Variants in ZPBP observed in about 807,000 individuals in gnomAD.
The protein encoded by ZPBP is zona pellucida-binding protein 1.
ZPBP carries 26 observed loss-of-function variants against 44.8 expected under a neutral mutation model. The ratio of observed to expected loss-of-function variants is 0.58; its 90% CI spans 0.43 to 0.81. The LOEUF (loss-of-function observed/expected upper bound fraction) is 0.81, where lower values mean the gene tolerates loss of function less well. ZPBP is among the 30% of genes least tolerant of loss of function. ZPBP has a pLI of 0.00. For missense variants in ZPBP, 409 were observed against 434.0 expected (o/e 0.94, Z 0.51); for synonymous variants, 174 against 153.2 (o/e 1.14, Z -1.00).
intron 7 of ZPBP, among the ~76,000 whole-genome samples, chr7:49,950,499 G>A (rs920574751): frequency 6.6e-6 from 1 of 151,568 alleles, no homozygotes; most frequent in Non-Finnish European, 1.5e-5. Flanking sequence ...CTATACTTAA[G>A]ACATTTTTGT....
At chr7:50,009,718 A>G (rs1344272334) in intron 6 of ZPBP, among the ~76,000 whole-genome samples, 1 of 152,090 alleles carries the variant, frequency 6.6e-6, no homozygotes, top group Admixed American at 6.6e-5. Context: ...CGTAATTGTG[A>G]TAGAAAATCC....
At chr7:49,961,696 C>T (rs182348701) in intron 7 of ZPBP, among the ~76,000 whole-genome samples, 17 of 152,022 alleles carry the variant, frequency 1.1e-4, no homozygotes, top group Middle Eastern at 3.4e-3. Flanking sequence ...TGTCATTATT[C>T]GTGATCCCAA....
intron 4 of ZPBP, among the ~76,000 whole-genome samples, chr7:50,052,910 G>A (rs139137519): frequency 6.6e-6 from 1 of 152,268 alleles, no homozygotes; most frequent in Non-Finnish European, 1.5e-5. Context: ...AGAGAAGATT[G>A]GTGGTTGCCA....
intron 2 of ZPBP, among the ~76,000 whole-genome samples, chr7:49,872,915 C>CAAAAAAAAAAAAAAAAAAAAA (rs61473396): frequency 3.5e-4 from 12 of 33,958 alleles, no homozygotes; most frequent in Non-Finnish European, 5.9e-4. Flanking sequence ...GACTTTGTCT[C>CAAAAAAAAAAAAAAAAAAAAA]AAAAAAAAAA....
At chr7:50,083,304 C>A (rs901570845) in intron 2 of ZPBP, among the ~76,000 whole-genome samples, 1 of 151,800 alleles carries the variant, frequency 6.6e-6, no homozygotes, top group South Asian at 2.1e-4. Context: ...GTACAATAAA[C>A]AAAAGTCACT....
At chr7:49,993,492 A>G (rs541727869) in intron 6 of ZPBP, among the ~76,000 whole-genome samples, 1 of 152,334 alleles carries the variant, frequency 6.6e-6, no homozygotes, top group African/African-American at 2.4e-5. Context: ...CTGGATTGAA[A>G]AGCAGTCACC....
chr7:49,848,087 T>C (rs1388118355), downstream of ZPBP, among the ~76,000 whole-genome samples: 1 of 152,296 alleles, frequency 6.6e-6, no homozygotes, highest in East Asian at 1.9e-4. Flanking sequence ...GCTAATTAGA[T>C]CTGTCTCTGG....
intron 2 of ZPBP, among the ~76,000 whole-genome samples, chr7:49,865,311 C>T (rs961199313): frequency 3.3e-5 from 5 of 152,148 alleles, no homozygotes; most frequent in Admixed American, 3.3e-4. Flanking sequence ...AGATTCTCTC[C>T]TATCCATTTT....
intron 2 of ZPBP, among the ~76,000 whole-genome samples, chr7:49,861,688 G>T (rs934849919): frequency 2.0e-5 from 3 of 152,176 alleles, no homozygotes; most frequent in Non-Finnish European, 4.4e-5. Context: ...TGAGGTAGGG[G>T]ACCAACTTCA....
At chr7:49,856,893 C>G (rs1029372907) in intron 2 of ZPBP, among the ~76,000 whole-genome samples, 2 of 151,550 alleles carry the variant, frequency 1.3e-5, no homozygotes, top group African/African-American at 2.4e-5. Flanking sequence ...CCTGTAGTCC[C>G]AGCTACTCGG....
chr7:50,046,154 G>A (rs1040894894), intron 4 of ZPBP, among the ~76,000 whole-genome samples: 1 of 152,116 alleles, frequency 6.6e-6, no homozygotes, highest in Non-Finnish European at 1.5e-5. Context: ...ACTCAAGATG[G>A]ATTAAAGACT....
intron 3 of ZPBP, among the ~76,000 whole-genome samples, chr7:50,075,228 A>C (rs944441221): frequency 6.6e-6 from 1 of 151,938 alleles, no homozygotes; most frequent in African/African-American, 2.4e-5. Context: ...AATAAATGTT[A>C]ATGGAAACAC....
At chr7:49,911,958 GT>G (rs1793476282) in intron 1 of ZPBP, 1 of 546,422 alleles carries the variant, frequency 1.8e-6, no homozygotes, top group East Asian at 5.9e-5. Context: ...TATATATACT[GT>G]AATGCTTAAT....
chr7:49,964,158 G>A (rs1201284143), intron 7 of ZPBP, among the ~76,000 whole-genome samples: 1 of 151,686 alleles, frequency 6.6e-6, no homozygotes, highest in East Asian at 1.9e-4. Context: ...CTGATAAAGG[G>A]TATCTTAAAA....
chr7:50,072,409 C>T (rs1293183707), intron 3 of ZPBP, among the ~76,000 whole-genome samples: 1 of 152,234 alleles, frequency 6.6e-6, no homozygotes, highest in Non-Finnish European at 1.5e-5. Context: ...TCTGAACCCA[C>T]CAAGGGATTG....
intron 3 of ZPBP, among the ~76,000 whole-genome samples, chr7:50,077,784 C>A (rs1332970456): frequency 2.6e-5 from 4 of 151,876 alleles, no homozygotes; most frequent in Non-Finnish European, 5.9e-5. Flanking sequence ...CCCTTGTACA[C>A]TGTTGATGGG....
chr7:50,071,128 T>C (rs140538998), intron 3 of ZPBP, among the ~76,000 whole-genome samples: 1 of 152,274 alleles, frequency 6.6e-6, no homozygotes, highest in African/African-American at 2.4e-5. Flanking sequence ...AAATCACCAA[T>C]GCCACCCCTA....
intron 6 of ZPBP, among the ~76,000 whole-genome samples, chr7:49,991,004 T>A (rs3778764): frequency 0.51 from 77,159 of 152,054 alleles, 20,424 homozygotes; most frequent in East Asian, 0.69. Flanking sequence ...AGAACTAGTA[T>A]TTACAAGGTG....
At chr7:50,040,499 T>G (rs975990419) in intron 4 of ZPBP, among the ~76,000 whole-genome samples, 1 of 152,160 alleles carries the variant, frequency 6.6e-6, no homozygotes, top group Non-Finnish European at 1.5e-5. Context: ...AGGCAGTGAA[T>G]GCAGCCTACA....
Sources: allele counts gnomAD v4.1 joint callset (sites outside exome capture counted in the v4.1 genomes callset), GRCh38; gene constraint gnomAD v4.1.1; transcripts MANE v1.5; gene names NCBI Gene and HGNC (gene_info 2026-07-23, HGNC 2026-07-21).